Variants in CENPP observed in about 807,000 individuals in gnomAD.
The protein encoded by CENPP is centromere protein P.
CENPP carries 24 observed loss-of-function variants against 35.6 expected under a neutral mutation model. The observed-to-expected ratio is 0.67, with a 90% CI of 0.49 to 0.95. The LOEUF is 0.95. Ranked by LOEUF, CENPP falls within the 40% of genes least tolerant of loss-of-function variation. CENPP has a pLI of 0.00. For synonymous variants in CENPP, 120 were observed against 125.5 expected, an observed-to-expected ratio of 0.96 and a Z score of 0.29; for missense variants, 332 against 345.3, an observed-to-expected ratio of 0.96 and a Z score of 0.31.
At chr9:92,598,087 G>A (rs988937482) in intron 5 of CENPP, among the ~76,000 whole-genome samples, 4 of 152,160 alleles carry the variant, frequency 2.6e-5, no homozygotes, top group African/African-American at 9.7e-5. Flanking sequence ...GTGGCCAAAC[G>A]TTCACATCAT....
chr9:92,400,982 A>G (rs1843087491), intron 5 of CENPP: 1 of 576,068 alleles, frequency 1.7e-6, no homozygotes. Context: ...ATAAAATTCC[A>G]CTGTTTGTAT....
At chr9:92,388,897 G>A (rs931935821) in intron 5 of CENPP, among the ~76,000 whole-genome samples, 1 of 150,962 alleles carries the variant, frequency 6.6e-6, no homozygotes, top group Non-Finnish European at 1.5e-5. Context: ...TAACTTCTGA[G>A]TTCCTTATAA....
At chr9:92,519,165 A>G (rs1462278626) in intron 5 of CENPP, among the ~76,000 whole-genome samples, 2 of 151,988 alleles carry the variant, frequency 1.3e-5, no homozygotes, top group African/African-American at 2.4e-5. Flanking sequence ...GGCCCTACCC[A>G]TCTCTCATTC....
At chr9:92,397,199 A>C (rs550391747) in intron 5 of CENPP, among the ~76,000 whole-genome samples, 1 of 152,060 alleles carries the variant, frequency 6.6e-6, no homozygotes, top group Non-Finnish European at 1.5e-5. Context: ...AACAAACAAA[A>C]AAACACCATT....
chr9:92,463,447 A>T (rs879899315), intron 5 of CENPP, among the ~76,000 whole-genome samples: 1 of 152,198 alleles, frequency 6.6e-6, no homozygotes, highest in African/African-American at 2.4e-5. Context: ...AATCTTGAAA[A>T]CTCATGAGAA....
chr9:92,547,448 A>G (rs1484339103), intron 5 of CENPP, among the ~76,000 whole-genome samples: 1 of 152,274 alleles, frequency 6.6e-6, no homozygotes, highest in Non-Finnish European at 1.5e-5. Context: ...CTGCATAGCC[A>G]TACAAGGGAA....
chr9:92,475,145 G>A (rs185255481), intron 5 of CENPP, among the ~76,000 whole-genome samples: 1 of 152,062 alleles, frequency 6.6e-6, no homozygotes, highest in Non-Finnish European at 1.5e-5. Context: ...TTAAAATCTA[G>A]TCTCAGGAAA....
chr9:92,335,205 TAAA>T (rs1355776269), intron 2 of CENPP, among the ~76,000 whole-genome samples: 1 of 152,162 alleles, frequency 6.6e-6, no homozygotes, highest in Non-Finnish European at 1.5e-5. Context: ...GTGTTCAAGT[TAAA>T]AAGTACTGAA....
chr9:92,358,816 G>A (rs925297386), intron 4 of CENPP, among the ~76,000 whole-genome samples: 11 of 151,510 alleles, frequency 7.3e-5, no homozygotes, highest in Admixed American at 3.9e-4. Context: ...TCTTTCTTTA[G>A]CATTTTTAAG....
intron 2 of CENPP, among the ~76,000 whole-genome samples, chr9:92,336,611 C>G (rs1456450464): frequency 6.6e-6 from 1 of 152,124 alleles, no homozygotes; most frequent in Non-Finnish European, 1.5e-5. Flanking sequence ...AAAGTAACGT[C>G]ATTAGCAAAA....
intron 4 of CENPP, among the ~76,000 whole-genome samples, chr9:92,365,789 C>CT (rs200237461): frequency 0.035 from 5,051 of 143,810 alleles, 114 homozygotes; most frequent in South Asian, 0.088. Flanking sequence ...TCATTTCTTT[C>CT]TTTTTTTTTT....
intron 5 of CENPP, among the ~76,000 whole-genome samples, chr9:92,599,142 G>A (rs966233220): frequency 2.0e-5 from 3 of 152,082 alleles, no homozygotes; most frequent in Non-Finnish European, 1.5e-5. Context: ...TGGAAATATG[G>A]TTGAGAATAA....
intron 3 of CENPP, among the ~76,000 whole-genome samples, chr9:92,345,006 C>T (rs1263095848): frequency 1.3e-5 from 2 of 151,510 alleles, no homozygotes; most frequent in Non-Finnish European, 2.9e-5. Flanking sequence ...AATCCCAGCA[C>T]TTTGGGAGGC....
chr9:92,403,431 G>A, intron 5 of CENPP: 1 of 1,588,642 alleles, frequency 6.3e-7, no homozygotes, highest in Non-Finnish European at 8.6e-7. Context: ...AAGGTGACTG[G>A]AAGTTAATAA....
intron 4 of CENPP, among the ~76,000 whole-genome samples, chr9:92,351,820 T>C (rs189842357): frequency 4.0e-4 from 61 of 151,778 alleles, no homozygotes; most frequent in African/African-American, 1.4e-3. Flanking sequence ...AGAAGGGGTT[T>C]TGCCATATTG....
intron 4 of CENPP, among the ~76,000 whole-genome samples, chr9:92,346,323 A>G (rs1446718180): frequency 6.6e-6 from 1 of 152,180 alleles, no homozygotes; most frequent in Non-Finnish European, 1.5e-5. Flanking sequence ...CAGAGAGAAC[A>G]TGAAATCATT....
chr9:92,402,966 G>A (rs17591007), intron 5 of CENPP, among the ~76,000 whole-genome samples: 4,678 of 152,244 alleles, frequency 0.031, 113 homozygotes, highest in South Asian at 0.084. Context: ...TGCAACTGGT[G>A]AGGGATCATC....
intron 1 of CENPP, among the ~76,000 whole-genome samples, chr9:92,331,731 C>CG (rs1219794684): frequency 5.3e-5 from 8 of 152,072 alleles, no homozygotes; most frequent in African/African-American, 1.9e-4. Flanking sequence ...GAGACTGAGG[C>CG]GGGAGGATTG....
intron 5 of CENPP, among the ~76,000 whole-genome samples, chr9:92,549,551 G>A (rs112694289): frequency 0.011 from 1,643 of 151,876 alleles, 40 homozygotes; most frequent in African/African-American, 0.038. Flanking sequence ...GGAGGCTGAG[G>A]CAGGACAATC....
Sources: gnomAD v4.1 joint callset for allele counts (sites outside exome capture counted in the v4.1 genomes callset) on GRCh38, gnomAD v4.1.1 for gene constraint, MANE v1.5 for transcripts, NCBI Gene and HGNC (gene_info 2026-07-23, HGNC 2026-07-21) for gene names.